Variants in MDFI observed in about 807,000 individuals in gnomAD.
MDFI encodes the protein inhibitor of MyoD family a.
A neutral mutation model predicts 22.3 loss-of-function variants in MDFI; 16 were observed. That is an observed-to-expected ratio of 0.72 (90% CI 0.49 to 1.09). The LOEUF is 1.09. Among genes scored for constraint, MDFI ranks in the 50% least tolerant of loss-of-function variants. The pLI is 0.00. For missense variants in MDFI, 314 were observed against 326.1 expected (o/e 0.96, Z 0.29); for synonymous variants, 145 against 142.7 (o/e 1.02, Z -0.12).
At chr6:41,640,028 G>C in intron 2 of MDFI, 1 of 774,136 alleles carries the variant, frequency 1.3e-6, no homozygotes, top group Non-Finnish European at 1.6e-6. Flanking sequence ...TGTGTCTACA[G>C]CCCATCTTGG....
chr6:41,639,499 C>T (rs913674301), intron 2 of MDFI: 1 of 985,410 alleles, frequency 1.0e-6, no homozygotes. Context: ...ACGCCAAGTA[C>T]GGTTTGTGAC....
chr6:41,637,417 G>C (rs942776725), upstream of MDFI: 1 of 152,186 alleles, frequency 6.6e-6, no homozygotes, highest in African/African-American at 2.4e-5. The surrounding 1 kb of genome is among the most constrained non-coding windows in gnomAD (Gnocchi z 6.8). Context: ...GCCTTCCAGT[G>C]TGCTCACTGG....
intron 3 of MDFI, 121 bp downstream of exon 3, chr6:41,646,429 A>G: frequency 1.2e-6 from 1 of 859,392 alleles, no homozygotes; most frequent in Non-Finnish European, 1.6e-6. Context: ...GTGTGGCAGC[A>G]CAGGCAGCAG....
rs983065742 is a variant in MDFI at position 41,649,601 on chromosome 6, T to TTC, written c.260-14_260-13dup. ...ACCCCCACCCTTTTCCCATCACACT[T>TTC]TCTCTTCATCTCTCCAGGCCAGCCT... On this transcript the variant is annotated splice_polypyrimidine_tract_variant and intron_variant, in intron 3 of 4. Transcript: ENST00000230321. 6.5e-6 allele frequency: 10 copies of TTC among 1,550,004 alleles called. No individual in the cohort carries two copies. The highest frequency in any genetic ancestry group is 1.4e-5 in the African/African-American group (1 of 72,952).
At chr6:41,639,872 G>C (rs1767784124) in intron 2 of MDFI, 4 of 985,280 alleles carry the variant, frequency 4.1e-6, no homozygotes, top group Non-Finnish European at 3.6e-6. Flanking sequence ...CCTCGAAGCC[G>C]GCCTGCCTGC....
intron 3 of MDFI, among the ~76,000 whole-genome samples, chr6:41,648,363 C>T (rs1768135592): frequency 6.6e-6 from 1 of 152,158 alleles, no homozygotes. Context: ...AGAAGACTAG[C>T]AATACTGAGG....
At chr6:41,643,964 G>A (rs1190077447) in intron 2 of MDFI, among the ~76,000 whole-genome samples, 1 of 152,180 alleles carries the variant, frequency 6.6e-6, no homozygotes, top group East Asian at 1.9e-4. Flanking sequence ...TCAGGGCCCA[G>A]GGCCATAGCA....
intron 2 of MDFI, among the ~76,000 whole-genome samples, chr6:41,643,532 G>GGAAGGAA (rs1561829502): frequency 2.7e-4 from 35 of 130,078 alleles, no homozygotes; most frequent in African/African-American, 9.3e-4. Context: ...ACAGGAAGGA[G>GGAAGGAA]GGAAGGAGGG....
intron 3 of MDFI, among the ~76,000 whole-genome samples, chr6:41,648,154 T>G (rs1007280912): frequency 6.6e-6 from 1 of 152,028 alleles, no homozygotes; most frequent in African/African-American, 2.4e-5. Flanking sequence ...AGTAGCAGCT[T>G]ATTCCTCAGT....
intron 3 of MDFI, among the ~76,000 whole-genome samples, chr6:41,647,608 C>T (rs76078245): frequency 0.045 from 6,778 of 152,154 alleles, 236 homozygotes; most frequent in East Asian, 0.18. Context: ...CCCCCGATCC[C>T]CCACCTTGTC....
At chr6:41,646,051 G>C in intron 2 of MDFI, 75 bp from the exon 3 acceptor site, 1 of 1,321,186 alleles carries the variant, frequency 7.6e-7, no homozygotes, top group Non-Finnish European at 1.0e-6. Context: ...ATGCTGGGCT[G>C]TGGGGCGGGG....
chr6:41,639,158 C>A, intron 2 of MDFI: 2 of 854,398 alleles, frequency 2.3e-6, no homozygotes, highest in Non-Finnish European at 2.8e-6. Context: ...TCAACTGTTT[C>A]TGCCCAGTGT....
intron 2 of MDFI, among the ~76,000 whole-genome samples, chr6:41,640,444 C>T (rs1392224421): frequency 6.6e-6 from 1 of 152,138 alleles, no homozygotes; most frequent in African/African-American, 2.4e-5. Flanking sequence ...TGAGGCCCCC[C>T]AGCACCCCAG....
chr6:41,640,587 C>T (rs891918927), intron 2 of MDFI, among the ~76,000 whole-genome samples: 1 of 152,226 alleles, frequency 6.6e-6, no homozygotes, highest in Non-Finnish European at 1.5e-5. Flanking sequence ...AGCCAAAACC[C>T]CACAGATGCC....
intron 2 of MDFI, among the ~76,000 whole-genome samples, chr6:41,640,593 A>T (rs1014747184): frequency 3.3e-5 from 5 of 152,200 alleles, no homozygotes; most frequent in Non-Finnish European, 7.4e-5. Flanking sequence ...AACCCCACAG[A>T]TGCCTGAATT....
intron 2 of MDFI, among the ~76,000 whole-genome samples, chr6:41,643,999 G>A (rs1158430831): frequency 3.9e-5 from 6 of 152,000 alleles, no homozygotes; most frequent in Admixed American, 2.0e-4. Flanking sequence ...GCCAGGGTCC[G>A]GAGCTAGGCA....
chr6:41,637,834 A>C (rs1354542232), upstream of MDFI, among the ~76,000 whole-genome samples: 1 of 152,128 alleles, frequency 6.6e-6, no homozygotes, highest in Non-Finnish European at 1.5e-5. This position sits in a 1 kb window ranked among gnomAD's most constrained non-coding sequence, Gnocchi z 6.8. Flanking sequence ...TCTGACACAC[A>C]TTCCCACGCA....
chr6:41,649,581 C>A, intron 3 of MDFI, 38 bp from the exon 4 acceptor site: 1 of 1,517,360 alleles, frequency 6.6e-7, no homozygotes, highest in Non-Finnish European at 8.9e-7. Flanking sequence ...GAATGACCCC[C>A]ACCCTTTTCC....
At chr6:41,642,653 C>T (rs1429524389) in intron 2 of MDFI, among the ~76,000 whole-genome samples, 1 of 152,136 alleles carries the variant, frequency 6.6e-6, no homozygotes, top group Non-Finnish European at 1.5e-5. Flanking sequence ...TGCTGGTTTG[C>T]TGGGTCCCCT....
Sources: allele counts gnomAD v4.1 joint callset (sites outside exome capture counted in the v4.1 genomes callset), GRCh38; gene constraint gnomAD v4.1.1; non-coding constraint Gnocchi (gnomAD v3.1); transcripts MANE v1.5; gene names NCBI Gene and HGNC (gene_info 2026-07-23, HGNC 2026-07-21).